The following SMARCAD1 variants were observed in gnomAD, a reference collection of about 807,000 sequenced individuals.
SMARCAD1 encodes SWI/SNF-related matrix-associated actin-dependent regulator of chromatin subfamily A containing DEAD/H box 1.
SMARCAD1 carries 25 observed loss-of-function variants against 127.1 expected under a neutral mutation model. That is an observed-to-expected ratio of 0.20 (90% CI 0.14 to 0.27). SMARCAD1 has a LOEUF of 0.27. Ranked by LOEUF, SMARCAD1 falls within the 10% of genes least tolerant of loss-of-function variation. The probability of loss-of-function intolerance (pLI) is 1.00; values close to 1 mark genes in which losing one functional copy is unlikely to be tolerated. For missense variants in SMARCAD1, 807 were observed against 1,206.0 expected, an observed-to-expected ratio of 0.67 and a Z score of 4.90; for synonymous variants, 400 against 396.9, an observed-to-expected ratio of 1.01 and a Z score of -0.09.
intron 5 of SMARCAD1, among the ~76,000 whole-genome samples, chr4:94,237,651 C>T (rs1363180667): frequency 6.6e-6 from 1 of 152,100 alleles, no homozygotes; most frequent in Non-Finnish European, 1.5e-5. Flanking sequence ...TGGCATACAA[C>T]ACACATACAT....
At chr4:94,226,454 T>G (rs1337323023) in intron 3 of SMARCAD1, among the ~76,000 whole-genome samples, 158 bp downstream of exon 3, 1 of 149,996 alleles carries the variant, frequency 6.7e-6, no homozygotes, top group African/African-American at 2.4e-5. Context: ...GGTTATTTTC[T>G]CTAACTTATA....
At chr4:94,246,576 A>C (rs1466535260) in intron 6 of SMARCAD1, among the ~76,000 whole-genome samples, 3 of 152,148 alleles carry the variant, frequency 2.0e-5, no homozygotes, top group African/African-American at 7.2e-5. Flanking sequence ...GGAGTTTGCA[A>C]CATGCTCCAG....
At chr4:94,253,619 A>G in intron 9 of SMARCAD1, 11 of 1,034,012 alleles carry the variant, frequency 1.1e-5, no homozygotes, top group Non-Finnish European at 1.3e-5. Flanking sequence ...AGATAGAAAA[A>G]TTTCTGGAAG....
chr4:94,276,542 G>A, intron 15 of SMARCAD1, 68 bp downstream of exon 15: 2 of 1,541,764 alleles, frequency 1.3e-6, no homozygotes, highest in South Asian at 1.2e-5. Flanking sequence ...AATATATGTA[G>A]TATTTATTAG....
Position 94,234,250 on chromosome 4 carries a change from AAAGG to A in SMARCAD1, c.537+132_537+135del. 3 of 845,736 alleles carry A rather than the reference AAAGG, an allele frequency of 3.5e-6. No homozygotes were observed. In the South Asian group the frequency reaches 5.1e-5, roughly 14 times the overall value. 52.4% of individuals were successfully genotyped at this position (845,736 alleles called of 1,614,324 possible). On this transcript the variant is annotated intron_variant, in intron 4 of 23. Transcript: ENST00000354268. ...TTTGAAGATATTAACTATTAAATCT[AAAGG>A]AAGTAAATGCCAGACATTTATTTAT...
Position 94,208,352 on chromosome 4 carries a change from C to T in SMARCAD1, c.-43C>T, listed in dbSNP as rs763375614. The stretch of plus-strand genomic sequence containing the variant: ...CTTTATTTTTCCCCTGCAGATAGTT[C>T]ATTTAAAGCCCCCATCCCTGCAAGG... On this transcript the variant is annotated 5_prime_UTR_variant, in exon 2 of 24. Coordinates refer to ENST00000354268, the MANE Select transcript of SMARCAD1 (RefSeq NM_020159.5). The T allele has an allele frequency of 1.3e-6, 2 of 1,591,650 alleles. No individual in the cohort carries two copies. Among genetic ancestry groups the T allele is most frequent in the Non-Finnish European group, 8.6e-7 (1 of 1,160,408 alleles).
chr4:94,221,421 G>C (rs1174777559), intron 2 of SMARCAD1, among the ~76,000 whole-genome samples: 1 of 152,080 alleles, frequency 6.6e-6, no homozygotes, highest in Non-Finnish European at 1.5e-5. Flanking sequence ...ATTACCACCT[G>C]TCAAGTTTGG....
At chr4:94,239,233 A>G (rs961996327) in intron 5 of SMARCAD1, among the ~76,000 whole-genome samples, 3 of 152,180 alleles carry the variant, frequency 2.0e-5, no homozygotes, top group Non-Finnish European at 4.4e-5. Context: ...TCAGTATACT[A>G]TGTTATTGAG....
At chr4:94,284,581 T>G (rs1481602099) in intron 22 of SMARCAD1, among the ~76,000 whole-genome samples, 4 of 150,176 alleles carry the variant, frequency 2.7e-5, no homozygotes, top group African/African-American at 4.9e-5. Context: ...TTTTTGTTTT[T>G]TTTTTTTTTC....
chr4:94,286,357 G>C (rs1012347615), intron 23 of SMARCAD1, among the ~76,000 whole-genome samples: 13 of 152,106 alleles, frequency 8.5e-5, no homozygotes, highest in African/African-American at 3.1e-4. Flanking sequence ...GGAGCAAATG[G>C]CTGGCTCTCT....
At chr4:94,279,340 A>G (rs909133742) in intron 19 of SMARCAD1, among the ~76,000 whole-genome samples, 7 of 152,032 alleles carry the variant, frequency 4.6e-5, no homozygotes, top group African/African-American at 1.2e-4. Flanking sequence ...GGGTTTTGCC[A>G]TGTTGCCCAG....
chr4:94,286,833 T>C (rs1208884065), intron 23 of SMARCAD1, among the ~76,000 whole-genome samples: 1 of 152,214 alleles, frequency 6.6e-6, no homozygotes, highest in African/African-American at 2.4e-5. Context: ...CTCAAGCCAA[T>C]AGCTTTGAAG....
rs1356791227 is a variant in SMARCAD1 at position 94,251,560 on chromosome 4, A to G, written c.889+727A>G. On this transcript the variant is annotated intron_variant, in intron 8 of 23. Transcript: ENST00000354268. ...ATGAGTTTGAAAAATGAGTCAGAAG[A>G]GCCATGTTATGAATGTGAAAACATT... is the stretch of plus-strand genomic sequence containing the variant. Among the ~76,000 whole-genome samples the G allele has an allele frequency of 2.6e-5, 4 of 152,228 alleles. 1 individual carries two copies. The highest frequency in any genetic ancestry group is 5.9e-5 in the Non-Finnish European group (4 of 68,042).
At chr4:94,210,932 A>G (rs1742130320) in intron 2 of SMARCAD1, among the ~76,000 whole-genome samples, 2 of 147,780 alleles carry the variant, frequency 1.4e-5, no homozygotes, top group Admixed American at 6.7e-5. Flanking sequence ...TGTATCTCAA[A>G]AAAAAAAAAA....
chr4:94,241,905 T>C (rs1747630453), intron 6 of SMARCAD1, among the ~76,000 whole-genome samples: 1 of 152,198 alleles, frequency 6.6e-6, no homozygotes, highest in Non-Finnish European at 1.5e-5. Flanking sequence ...ACTTAACTGG[T>C]GTTCACAAAA....
Position 94,278,618 on chromosome 4 carries a change from T to G in SMARCAD1, c.2181T>G (p.Val727=). Residue 727 remains valine, a splice_region_variant and synonymous_variant, in exon 18 of 24, where the codon GTT becomes GTG. Coordinates refer to ENST00000354268, the MANE Select transcript of SMARCAD1 (RefSeq NM_020159.5). ...TTAAACTGTTTTTTCTGTCTCAGGTTCTCAAGCAGTTACCCCCCAAGAAAG... is the reference window on the plus strand; with the variant it reads ...TTAAACTGTTTTTTCTGTCTCAGGTGCTCAAGCAGTTACCCCCCAAGAAAG... ...PFILRRVKEE[V]LKQLPPKKDR... is the part of the protein sequence containing the mutation. The G allele has an allele frequency of 6.2e-7, 1 of 1,614,050 alleles. No homozygotes were observed. Among genetic ancestry groups the G allele is most frequent in the South Asian group, 1.1e-5 (1 of 91,078 alleles).
chr4:94,287,518 A>G (rs912624631), intron 23 of SMARCAD1, among the ~76,000 whole-genome samples: 1 of 152,156 alleles, frequency 6.6e-6, no homozygotes, highest in Non-Finnish European at 1.5e-5. Flanking sequence ...CTTAGTTGTT[A>G]CCAGAGTACC....
At chr4:94,263,411 G>C (rs1231548749) in intron 9 of SMARCAD1, among the ~76,000 whole-genome samples, 1 of 152,042 alleles carries the variant, frequency 6.6e-6, no homozygotes, top group African/African-American at 2.4e-5. Flanking sequence ...AGTAGGGGGA[G>C]TAGGAGATCA....
chr4:94,288,185 T>A (rs1330016123), intron 23 of SMARCAD1, among the ~76,000 whole-genome samples: 1 of 152,106 alleles, frequency 6.6e-6, no homozygotes, highest in Non-Finnish European at 1.5e-5. Flanking sequence ...AATACCATTG[T>A]AGCATCTAAG....
Sources: gnomAD v4.1 joint callset for allele counts (sites outside exome capture counted in the v4.1 genomes callset) on GRCh38, gnomAD v4.1.1 for gene constraint, MANE v1.5 for transcripts, NCBI Gene and HGNC (gene_info 2026-07-23, HGNC 2026-07-21) for gene names.